BCLAF3: variants seen among roughly 807,000 people sequenced by gnomAD.
BCLAF3 encodes transient octamer binding factor 1.
BCLAF3 carries 24 observed loss-of-function variants against 51.2 expected under a neutral mutation model. That is an observed-to-expected ratio of 0.47 (90% CI 0.34 to 0.66). The LOEUF (loss-of-function observed/expected upper bound fraction) is 0.66. Ranked by LOEUF, BCLAF3 falls within the 30% of genes least tolerant of loss-of-function variation. The pLI is 0.01. For synonymous variants in BCLAF3, 152 were observed against 176.6 expected (o/e 0.86, Z 1.10); for missense variants, 465 against 525.1 (o/e 0.89, Z 1.12).
intron 11 of BCLAF3, 129 bp downstream of exon 11, chrX:19,929,656 C>A: frequency 3.3e-6 from 2 of 602,303 alleles, no homozygotes; most frequent in African/African-American, 2.3e-5. Flanking sequence ...AACTATCATG[C>A]AACAAGAACA....
intron 8 of BCLAF3, among the ~76,000 whole-genome samples, chrX:19,945,281 G>A (rs1243923368): frequency 3.7e-5 from 4 of 108,480 alleles, no homozygotes; most frequent in African/African-American, 6.9e-5. Flanking sequence ...GCTCGTCAAA[G>A]TCATTCTCCA....
At chrX:19,923,679 A>C (rs1443572547) in intron 11 of BCLAF3, among the ~76,000 whole-genome samples, 1 of 110,511 alleles carries the variant, frequency 9.0e-6, no homozygotes, top group East Asian at 2.8e-4. Flanking sequence ...GGCAACCACT[A>C]ATTTACTTTA....
At chrX:19,937,993 TC>T (rs921171136) in intron 8 of BCLAF3, among the ~76,000 whole-genome samples, 2 of 110,967 alleles carry the variant, frequency 1.8e-5, no homozygotes, top group African/African-American at 6.6e-5. Context: ...TGGCTCAGGG[TC>T]CCCTCACTGG....
chrX:19,938,638 C>T (rs1314890356), intron 8 of BCLAF3, among the ~76,000 whole-genome samples: 1 of 112,598 alleles, frequency 8.9e-6, no homozygotes, highest in Non-Finnish European at 1.9e-5. Flanking sequence ...CTCAAGTAAT[C>T]CATCCACCTT....
At chrX:19,983,931 G>A (rs1258412935) in intron 1 of BCLAF3, among the ~76,000 whole-genome samples, 1 of 108,107 alleles carries the variant, frequency 9.3e-6, no homozygotes, top group Non-Finnish European at 1.9e-5. Context: ...ATGTAGCTGG[G>A]CGTGGCGGCA....
At chrX:19,983,557 A>T (rs751042202) in intron 1 of BCLAF3, among the ~76,000 whole-genome samples, 6 of 108,740 alleles carry the variant, frequency 5.5e-5, no homozygotes, top group Admixed American at 9.7e-5. Context: ...CTAAAAATAT[A>T]AAAAAAATGT....
At chrX:19,918,495 T>A (rs1466745714) in intron 11 of BCLAF3, among the ~76,000 whole-genome samples, 1 of 98,108 alleles carries the variant, frequency 1.0e-5, no homozygotes, top group East Asian at 3.6e-4. Flanking sequence ...ACTTGATCCC[T>A]CCACCCTTCC....
chrX:19,926,640 T>C (rs1270131307), intron 11 of BCLAF3, among the ~76,000 whole-genome samples: 1 of 111,554 alleles, frequency 9.0e-6, no homozygotes, highest in African/African-American at 3.3e-5. Flanking sequence ...ACTCCAAGTT[T>C]AGCACAGAGC....
rs2069921545 is a variant in BCLAF3, at chrX:19,915,662, T to C, written c.*1643A>G. 8.9e-6 allele frequency: 1 copy of C among 112,236 alleles called. No homozygotes were observed. The highest frequency in any genetic ancestry group is 3.7e-4 in the South Asian group (1 of 2,730). 9.2% of individuals were successfully genotyped at this position (112,236 alleles called of 1,213,427 possible). A position where few individuals can be genotyped will look rare whatever the true frequency, so the allele number is the denominator to read the frequency against. ...CTTCGTACCATAAAGGCAGGGTCCA[T>C]GTGTCTTGTCTTCTTGTTCATTGCT... is the stretch of plus-strand genomic sequence containing the variant. On this transcript the variant is annotated 3_prime_UTR_variant, in exon 12 of 12. Transcript: ENST00000379682.
At chrX:19,945,451 C>T (rs1462284589) in intron 8 of BCLAF3, among the ~76,000 whole-genome samples, 14 of 105,589 alleles carry the variant, frequency 1.3e-4, no homozygotes, top group Admixed American at 4.0e-4. Flanking sequence ...GGTGGGTTTT[C>T]GGTGTGGATG....
intron 1 of BCLAF3, among the ~76,000 whole-genome samples, chrX:19,972,907 C>T (rs745755660): frequency 8.9e-6 from 1 of 112,207 alleles, no homozygotes; most frequent in African/African-American, 3.2e-5. Context: ...TTGTTTCTAC[C>T]TTTCAGCTAT....
chrX:19,990,142 G>GAA (rs376381001), intron 1 of BCLAF3, among the ~76,000 whole-genome samples: 1,178 of 50,750 alleles, frequency 0.023, 7 homozygotes, highest in African/African-American at 0.03. Context: ...TTTGTTCCAG[G>GAA]AAAAAAAAAA....
chrX:19,972,755 T>C (rs1241559039), intron 1 of BCLAF3, among the ~76,000 whole-genome samples: 1 of 111,942 alleles, frequency 8.9e-6, no homozygotes, highest in African/African-American at 3.3e-5. Context: ...ACTGGCTTCT[T>C]TCACTTAGCA....
intron 9 of BCLAF3, 64 bp from the exon 10 acceptor site, chrX:19,935,962 T>C: frequency 1.1e-6 from 1 of 920,939 alleles, no homozygotes; most frequent in South Asian, 2.0e-5. Flanking sequence ...AAGCTTGTTT[T>C]ACCATTAGAA....
chrX:19,966,128 G>A lies in BCLAF3; in HGVS notation c.563C>T (p.Thr188Ile), dbSNP rs763659883. Residue 188 changes from threonine (T) to isoleucine (I), a missense_variant, in exon 3 of 12, where the codon ACT becomes ATT. Transcript: ENST00000379682. ...CTCAAAGTCTTCAGAGCCTCTTCTAGTTGACTGGGAGTATTTTTCTTCTTG... is the reference window on the plus strand; with the variant it reads ...CTCAAAGTCTTCAGAGCCTCTTCTAATTGACTGGGAGTATTTTTCTTCTTG... ...RIQEEKYSQS[T>I]RRGSEDFETR... 8 of 1,209,724 alleles carry A rather than the reference G, an allele frequency of 6.6e-6. No homozygotes were observed. The South Asian group carries it at 8.8e-5, about 13-fold the overall frequency.
chrX:19,985,995 A>AG (rs2072789695), intron 1 of BCLAF3, among the ~76,000 whole-genome samples: 1 of 111,208 alleles, frequency 9.0e-6, no homozygotes, highest in Non-Finnish European at 1.9e-5. Context: ...GAAAAGAATG[A>AG]GGGGAAAAAA....
At chrX:19,924,676 C>A (rs2070303076) in intron 11 of BCLAF3, among the ~76,000 whole-genome samples, 1 of 111,672 alleles carries the variant, frequency 9.0e-6, no homozygotes, top group African/African-American at 3.3e-5. Context: ...AGCACCACAG[C>A]ACCTGAGGAC....
intron 11 of BCLAF3, among the ~76,000 whole-genome samples, chrX:19,921,629 G>C (rs1390555357): frequency 9.0e-6 from 1 of 110,611 alleles, no homozygotes; most frequent in African/African-American, 3.3e-5. Flanking sequence ...CTTGAACTCG[G>C]GAGGCGGAGG....
chrX:19,929,831 CCCCT>C lies in BCLAF3; in HGVS notation c.2056_2059del (p.Arg686AspfsTer11). 8.3e-7 allele frequency: 1 copy of C among 1,208,791 alleles called. No individual in the cohort carries two copies. Among genetic ancestry groups the C allele is most frequent in the Non-Finnish European group, 1.1e-6 (1 of 894,063 alleles). On this transcript the variant is annotated frameshift_variant, in exon 11 of 12. Transcript: ENST00000379682. LOFTEE classifies it high-confidence loss of function. ...TTCTCTGAACTTATGAGTGATAAAT[CCCCT>C]TGGGCCAGTGAACCGTAAACGCTGA...
Sources: gnomAD v4.1 joint callset for allele counts (sites outside exome capture counted in the v4.1 genomes callset) on GRCh38, gnomAD v4.1.1 for gene constraint, MANE v1.5 for transcripts, NCBI Gene and HGNC (gene_info 2026-07-23, HGNC 2026-07-21) for gene names.